The following ADAMTS12 variants were observed in gnomAD, a reference collection of about 807,000 sequenced individuals.
ADAMTS12 encodes ADAM metallopeptidase with thrombospondin type 1 motif 12, also known as A disintegrin and metalloproteinase with thrombospondin motifs 12.
In ADAMTS12, 118 loss-of-function variants were observed where a neutral mutation model predicts 167.8. The observed-to-expected ratio is 0.70, with a 90% CI of 0.61 to 0.82. The LOEUF (loss-of-function observed/expected upper bound fraction) is 0.82. Among genes scored for constraint, ADAMTS12 ranks in the 40% least tolerant of loss-of-function variants. ADAMTS12 has a pLI of 0.00. For synonymous variants in ADAMTS12, 704 were observed against 716.9 expected (o/e 0.98, Z 0.29); for missense variants, 1,916 against 1,998.8 (o/e 0.96, Z 0.79).
intron 19 of ADAMTS12, among the ~76,000 whole-genome samples, chr5:33,574,064 T>G (rs980554638): frequency 6.6e-6 from 1 of 151,902 alleles, no homozygotes; most frequent in African/African-American, 2.4e-5. Context: ...CTCACACCAG[T>G]TAGAATGGCA....
At chr5:33,578,609 T>C (rs565025832) in intron 18 of ADAMTS12, among the ~76,000 whole-genome samples, 1 of 152,300 alleles carries the variant, frequency 6.6e-6, no homozygotes, top group African/African-American at 2.4e-5. Flanking sequence ...AAATCAGGAA[T>C]GGAAAAATTC....
chr5:33,746,594 C>A (rs989325001), intron 3 of ADAMTS12, among the ~76,000 whole-genome samples: 1 of 151,958 alleles, frequency 6.6e-6, no homozygotes, highest in Non-Finnish European at 1.5e-5. Flanking sequence ...TCCTCAGAGG[C>A]CAAAAGTAGA....
At chr5:33,791,533 C>T (rs898331571) in intron 2 of ADAMTS12, among the ~76,000 whole-genome samples, 9 of 152,186 alleles carry the variant, frequency 5.9e-5, no homozygotes, top group African/African-American at 1.9e-4. Context: ...TTTATCCAAG[C>T]CAATCAGATT....
chr5:33,578,251 G>A (rs887480308), intron 18 of ADAMTS12, among the ~76,000 whole-genome samples: 4 of 152,098 alleles, frequency 2.6e-5, no homozygotes, highest in Non-Finnish European at 5.9e-5. Flanking sequence ...AAAGGGCTGC[G>A]CAAACATTAT....
In ADAMTS12 at chr5:33,619,972, C is replaced by T. The variant is rs144077870; in HGVS notation, c.2144-3900G>A. 6.7e-3 allele frequency among the ~76,000 whole-genome samples: 1,028 copies of T among 152,302 alleles called. 7 individuals carry two copies. The highest frequency in any genetic ancestry group is 0.024 in the African/African-American group (981 of 41,570). On this transcript the variant is annotated intron_variant, in intron 14 of 23. Coordinates refer to ENST00000504830, the MANE Select transcript of ADAMTS12 (RefSeq NM_030955.4). ...CCTCCCAAAGTGTTGGGATTACAGG[C>T]GTGAGCCACTGCATCCGGCCAATGA...
Position 33,576,169 on chromosome 5 carries a change from G to C in ADAMTS12, c.3857C>G (p.Thr1286Ser). 1.9e-6 allele frequency: 3 copies of C among 1,614,226 alleles called. No individual in the cohort carries two copies. Among genetic ancestry groups the C allele is most frequent in the Non-Finnish European group, 2.5e-6 (3 of 1,180,042 alleles). ...NQTKSSEPVL[T>S]EEDATSLITE... is the part of the protein sequence containing the mutation. ...AATCAGACTTGTTGCATCCTCCTCA[G>C]TCAGGACTGGTTCAGAACTTTTTGT... The change falls in exon 19 of 24, where the codon ACT becomes AGT. Residue 1286 changes from threonine (T) to serine (S), a missense_variant. Transcript: ENST00000504830.
chr5:33,585,882 G>A (rs1445863761), intron 18 of ADAMTS12, among the ~76,000 whole-genome samples: 2 of 152,068 alleles, frequency 1.3e-5, no homozygotes, highest in South Asian at 2.1e-4. Context: ...AACCTGGCAC[G>A]GCTGAGCCCA....
chr5:33,666,331 C>A (rs1351834765), intron 5 of ADAMTS12, among the ~76,000 whole-genome samples: 1 of 152,208 alleles, frequency 6.6e-6, no homozygotes, highest in South Asian at 2.1e-4. Context: ...ACCTGGCAAC[C>A]TTCATTTACT....
Position 33,576,055 on chromosome 5 carries a change from T to C in ADAMTS12, c.3971A>G (p.Glu1324Gly), listed in dbSNP as rs1746690317. The C allele has an allele frequency of 6.2e-7, 1 of 1,610,512 alleles. No homozygotes were observed. Among genetic ancestry groups the C allele is most frequent in the South Asian group, 1.1e-5 (1 of 90,676 alleles). ...GGCCAGGGGTAGGAAATGTCTTACC[T>C]CGCTCCAGTTTCCGACGATCCAGTG... ...SAHWIVGNWSECSTTCGLGAY... is the reference protein window; with the variant it reads ...SAHWIVGNWSGCSTTCGLGAY... Residue 1324 changes from glutamate (E) to glycine (G), a missense_variant and splice_region_variant, in exon 19 of 24, where the codon GAG (glutamate) becomes GGG (glycine). Coordinates refer to ENST00000504830, the MANE Select transcript of ADAMTS12 (RefSeq NM_030955.4).
chr5:33,802,449 C>A (rs1312316583), intron 2 of ADAMTS12, among the ~76,000 whole-genome samples: 1 of 152,168 alleles, frequency 6.6e-6, no homozygotes, highest in Non-Finnish European at 1.5e-5. Context: ...GGAGGTGGTG[C>A]TCATCATCAA....
chr5:33,877,690 T>C (rs1440621053), intron 2 of ADAMTS12, among the ~76,000 whole-genome samples: 1 of 152,210 alleles, frequency 6.6e-6, no homozygotes, highest in African/African-American at 2.4e-5. Context: ...TGACTCAGTC[T>C]GGGAGCAGCC....
intron 2 of ADAMTS12, among the ~76,000 whole-genome samples, chr5:33,857,786 G>A (rs1051964411): frequency 6.6e-5 from 10 of 152,206 alleles, no homozygotes; most frequent in African/African-American, 1.9e-4. Context: ...TAACCATGTC[G>A]CTTCACCTGG....
intron 3 of ADAMTS12, among the ~76,000 whole-genome samples, chr5:33,748,260 C>T (rs777644259): frequency 7.2e-5 from 11 of 152,110 alleles, no homozygotes; most frequent in Non-Finnish European, 1.2e-4. Flanking sequence ...AGCTTGTCAT[C>T]GTTGATAAAA....
chr5:33,684,775 T>A (rs933763357), intron 3 of ADAMTS12, among the ~76,000 whole-genome samples: 1 of 152,164 alleles, frequency 6.6e-6, no homozygotes, highest in Non-Finnish European at 1.5e-5. Flanking sequence ...ATGAGGGTCA[T>A]GGTTTGGAAG....
Position 33,699,501 on chromosome 5 carries a change from A to G in ADAMTS12, c.635-15446T>C, listed in dbSNP as rs181881983. Among the ~76,000 whole-genome samples the G allele has an allele frequency of 1.2e-4, 19 of 152,248 alleles. No individual in the cohort carries two copies. In the East Asian group the frequency reaches 3.7e-3, roughly 29 times the overall value. Reference sequence around the variant, plus strand: ...TATACGAGAAAAATGTTTGGGATGAAGGACTAGGCCACGAATTCTAAGACA... The same window carrying G: ...TATACGAGAAAAATGTTTGGGATGAGGGACTAGGCCACGAATTCTAAGACA... On this transcript the variant is annotated intron_variant, in intron 3 of 23. Coordinates refer to ENST00000504830, the MANE Select transcript of ADAMTS12 (RefSeq NM_030955.4).
At position 33,753,466 on chromosome 5, in the gene ADAMTS12, T is replaced by C. The variant is rs374598603; in HGVS notation, c.490-1918A>G. Among the ~76,000 whole-genome samples, 8 of 152,160 alleles carry C rather than the reference T, an allele frequency of 5.3e-5. No homozygotes were observed. The East Asian group carries it at 1.2e-3, about 22-fold the overall frequency. ...TCAGAGACCAGGCACAAGAGGAAAATGTGAGCCTGTTGTCAGAAAGCTCAT... is the reference window on the plus strand; with the variant it reads ...TCAGAGACCAGGCACAAGAGGAAAACGTGAGCCTGTTGTCAGAAAGCTCAT... On this transcript the variant is annotated intron_variant, in intron 2 of 23. Coordinates refer to ENST00000504830, the MANE Select transcript of ADAMTS12 (RefSeq NM_030955.4).
intron 2 of ADAMTS12, among the ~76,000 whole-genome samples, chr5:33,813,889 A>G (rs10941092): frequency 0.45 from 67,845 of 152,078 alleles, 15,493 homozygotes; most frequent in Non-Finnish European, 0.47. Flanking sequence ...CAAATTACAA[A>G]AATAACATGG....
At chr5:33,538,311 C>A (rs1744511618) in intron 22 of ADAMTS12, among the ~76,000 whole-genome samples, 1 of 152,116 alleles carries the variant, frequency 6.6e-6, no homozygotes, top group Non-Finnish European at 1.5e-5. Context: ...AAATCACTGA[C>A]TATCACAAGA....
intron 3 of ADAMTS12, among the ~76,000 whole-genome samples, chr5:33,712,741 C>G (rs1048459865): frequency 6.6e-6 from 1 of 152,164 alleles, no homozygotes; most frequent in African/African-American, 2.4e-5. Flanking sequence ...AACCTCACAA[C>G]TCTTCAGCCT....
Sources: allele counts gnomAD v4.1 joint callset (sites outside exome capture counted in the v4.1 genomes callset), GRCh38; gene constraint gnomAD v4.1.1; transcripts MANE v1.5; gene names NCBI Gene and HGNC (gene_info 2026-07-23, HGNC 2026-07-21).